The following SLC28A3 variants were observed in gnomAD, a reference collection of about 807,000 sequenced individuals.
SLC28A3 encodes solute carrier family 28 member 3.
A neutral mutation model predicts 84.2 loss-of-function variants in SLC28A3; 68 were observed. That is an observed-to-expected ratio of 0.81 (90% CI 0.66 to 0.99). The LOEUF (loss-of-function observed/expected upper bound fraction) is 0.99, where lower values mean the gene tolerates loss of function less well. Ranked by LOEUF, SLC28A3 falls within the 50% of genes least tolerant of loss-of-function variation. The pLI, the probability that SLC28A3 is intolerant of heterozygous loss-of-function variation, is 0.00. For missense variants in SLC28A3, 712 were observed against 841.5 expected, an observed-to-expected ratio of 0.85 and a Z score of 1.90; for synonymous variants, 267 against 303.6, an observed-to-expected ratio of 0.88 and a Z score of 1.25.
chr9:84,309,519 A>T lies in SLC28A3; in HGVS notation c.242+110T>A, dbSNP rs1212897263. On this transcript the variant is annotated intron_variant, in intron 3 of 17. Coordinates refer to ENST00000376238, the MANE Select transcript of SLC28A3 (RefSeq NM_001199633.2). ...GCCTGGGTGACAAAGTGAGACTCTT[A>T]TCTCAAAAAAAAAAAAAAAAAAAAA... The T allele has an allele frequency of 8.9e-6, 6 of 676,152 alleles. No homozygotes were observed. In the Admixed American group the frequency reaches 1.1e-4, roughly 12 times the overall value. 41.9% of individuals were successfully genotyped at this position (676,152 alleles called of 1,614,324 possible). A position where few individuals can be genotyped will look rare whatever the true frequency, so the allele number is the denominator to read the frequency against.
At chr9:84,283,189 A>G (rs546665858) in intron 14 of SLC28A3, among the ~76,000 whole-genome samples, 5 of 152,270 alleles carry the variant, frequency 3.3e-5, no homozygotes, top group Non-Finnish European at 7.3e-5. Context: ...GAGAAAAAGG[A>G]GTCTGGGATA....
rs1564143510 is a variant in SLC28A3, at chr9:84,280,840, C to CA, written c.1689dup (p.Ala564CysfsTer23). ...ACGATTCCTAGGGACCCGATATTGG[C>CA]AAAACCACAGAGAGCGTAAGTGGCG... On this transcript the variant is annotated frameshift_variant, in exon 15 of 18. Coordinates refer to ENST00000376238, the MANE Select transcript of SLC28A3 (RefSeq NM_001199633.2). LOFTEE classifies it high-confidence loss of function. 6.2e-7 allele frequency: 1 copy of CA among 1,614,028 alleles called. No homozygotes were observed. Among genetic ancestry groups the CA allele is most frequent in the Non-Finnish European group, 8.5e-7 (1 of 1,180,006 alleles).
intron 10 of SLC28A3, 106 bp from the exon 11 acceptor site, chr9:84,290,385 A>AAG: frequency 7.1e-7 from 1 of 1,413,718 alleles, no homozygotes; most frequent in Non-Finnish European, 9.5e-7. Context: ...GACAGTTTCT[A>AAG]AGAGTGAACC....
At chr9:84,367,490 G>A in the SLC28A3 span, among the ~76,000 whole-genome samples, 38 of 152,310 alleles carry the variant, frequency 2.5e-4, no homozygotes, top group African/African-American at 8.7e-4. Flanking sequence ...CTCGTCAGGT[G>A]GAGACGAGAG....
At chr9:84,338,846 A>C (rs1452591024) in intron 1 of SLC28A3, among the ~76,000 whole-genome samples, 1 of 152,134 alleles carries the variant, frequency 6.6e-6, no homozygotes, top group Non-Finnish European at 1.5e-5. Flanking sequence ...ACATTTTGGC[A>C]CAAGAATATT....
At chr9:84,290,866 C>T (rs1248824464) in intron 10 of SLC28A3, among the ~76,000 whole-genome samples, 1 of 134,268 alleles carries the variant, frequency 7.4e-6, no homozygotes, top group African/African-American at 3.1e-5. Context: ...CAAACAACCT[C>T]AGCAATAACA....
chr9:84,323,704 T>C (rs1457822183), intron 1 of SLC28A3, among the ~76,000 whole-genome samples: 2 of 152,064 alleles, frequency 1.3e-5, no homozygotes, highest in East Asian at 3.9e-4. Flanking sequence ...ATTACAGGCA[T>C]GAGAAAGAAA....
Position 84,302,327 on chromosome 9 carries a change from C to G in SLC28A3, c.397G>C (p.Val133Leu). The G allele has an allele frequency of 6.2e-7, 1 of 1,614,056 alleles. No individual in the cohort carries two copies. Among genetic ancestry groups the G allele is most frequent in the East Asian group, 2.2e-5 (1 of 44,864 alleles). ...LNFHRALPLF[V>L]ITVAAIFFVV... ...AAGAAGATGGCAGCCACGGTGATCA[C>G]AAAAAGAGGAAGGGCTCTGTGAAAG... Residue 133 changes from valine (V) to leucine (L), a missense_variant, in exon 5 of 18, where the codon GTG (valine) becomes CTG (leucine). By Grantham distance (32) the Val-to-Leu change is conservative (BLOSUM62 1). Coordinates refer to ENST00000376238, the MANE Select transcript of SLC28A3 (RefSeq NM_001199633.2).
the SLC28A3 span, among the ~76,000 whole-genome samples, chr9:84,350,041 T>C: frequency 2.0e-5 from 3 of 152,246 alleles, no homozygotes; most frequent in African/African-American, 7.2e-5. Flanking sequence ...GCTCCTAGAC[T>C]ACAAACCTGT....
chr9:84,314,893 A>C (rs1232430273), intron 1 of SLC28A3, among the ~76,000 whole-genome samples: 1 of 152,220 alleles, frequency 6.6e-6, no homozygotes. Flanking sequence ...CCTGGCTAAC[A>C]TGGTGAAACC....
chr9:84,298,128 G>C, intron 6 of SLC28A3, 109 bp from the exon 7 acceptor site: 1 of 850,168 alleles, frequency 1.2e-6, no homozygotes, highest in Non-Finnish European at 1.9e-6. Context: ...GATGTGGCCT[G>C]TCACCCACCT....
chr9:84,336,531 C>A (rs1257785817), intron 1 of SLC28A3, among the ~76,000 whole-genome samples: 1 of 152,024 alleles, frequency 6.6e-6, no homozygotes, highest in Non-Finnish European at 1.5e-5. Context: ...CAAAGACTAG[C>A]CAAGTGTGGT....
chr9:84,308,289 T>C (rs1242127223), intron 3 of SLC28A3, among the ~76,000 whole-genome samples: 3 of 152,132 alleles, frequency 2.0e-5, no homozygotes, highest in Non-Finnish European at 4.4e-5. Flanking sequence ...CTCACACCTG[T>C]AATCCTGGCA....
intron 1 of SLC28A3, among the ~76,000 whole-genome samples, chr9:84,331,991 T>C (rs927188706): frequency 1.5e-4 from 23 of 152,156 alleles, no homozygotes; most frequent in African/African-American, 5.5e-4. Context: ...CACTGAGTGG[T>C]GTTAAAAGTA....
At chr9:84,357,926 A>G in the SLC28A3 span, among the ~76,000 whole-genome samples, 1 of 152,168 alleles carries the variant, frequency 6.6e-6, no homozygotes, top group African/African-American at 2.4e-5. Flanking sequence ...TGAGTATCCA[A>G]ATCTTTCCAA....
chr9:84,341,550 A>C (rs1049739383), upstream of SLC28A3, among the ~76,000 whole-genome samples: 1 of 152,226 alleles, frequency 6.6e-6, no homozygotes, highest in Non-Finnish European at 1.5e-5. Flanking sequence ...CATTTAGCTA[A>C]TAAAGGGATA....
chr9:84,367,450 G>A, the SLC28A3 span, among the ~76,000 whole-genome samples: 3 of 152,166 alleles, frequency 2.0e-5, no homozygotes, highest in Non-Finnish European at 4.4e-5. Context: ...TGATTGAAGG[G>A]GTCCTGCCCC....
intron 3 of SLC28A3, among the ~76,000 whole-genome samples, chr9:84,305,838 G>C (rs1825772287): frequency 6.6e-6 from 1 of 152,214 alleles, no homozygotes; most frequent in Non-Finnish European, 1.5e-5. Context: ...CAAAACTGAT[G>C]GACCTCATGG....
At chr9:84,315,532 A>T (rs141725445) in intron 1 of SLC28A3, among the ~76,000 whole-genome samples, 2 of 152,276 alleles carry the variant, frequency 1.3e-5, no homozygotes, top group East Asian at 3.9e-4. Context: ...TGAAAGTGGA[A>T]GGTGTGTGTG....
Sources: allele counts gnomAD v4.1 joint callset (sites outside exome capture counted in the v4.1 genomes callset), GRCh38; gene constraint gnomAD v4.1.1; transcripts MANE v1.5; gene names NCBI Gene and HGNC (gene_info 2026-07-23, HGNC 2026-07-21).